Variants in ZMIZ1 observed in about 807,000 individuals in gnomAD.
ZMIZ1 encodes zinc finger MIZ domain-containing protein 1.
In ZMIZ1, 17 loss-of-function variants were observed where a neutral mutation model predicts 113.9. That is an observed-to-expected ratio of 0.15 (90% confidence interval 0.10 to 0.22). The LOEUF is 0.22. Ranked by LOEUF, ZMIZ1 falls within the 10% of genes least tolerant of loss-of-function variation. The pLI, the probability that ZMIZ1 is intolerant of heterozygous loss-of-function variation, is 1.00. For missense variants in ZMIZ1, 1,059 were observed against 1,477.8 expected, an observed-to-expected ratio of 0.72 and a Z score of 4.65; for synonymous variants, 607 against 603.1, an observed-to-expected ratio of 1.01 and a Z score of -0.09.
At chr10:79,230,761 G>A (rs547950309) in intron 7 of ZMIZ1, among the ~76,000 whole-genome samples, 1 of 152,362 alleles carries the variant, frequency 6.6e-6, no homozygotes, top group Non-Finnish European at 1.5e-5. Flanking sequence ...GTGTGGAAGC[G>A]CGAGGATGTG....
chr10:79,125,122 A>T (rs549995232), intron 2 of ZMIZ1, among the ~76,000 whole-genome samples: 1 of 152,326 alleles, frequency 6.6e-6, no homozygotes, highest in East Asian at 1.9e-4. Flanking sequence ...CCTCTGCTGG[A>T]CCAGGCGCTG....
At chr10:79,149,967 C>T (rs1020540544) in intron 3 of ZMIZ1, among the ~76,000 whole-genome samples, 1 of 152,238 alleles carries the variant, frequency 6.6e-6, no homozygotes, top group Non-Finnish European at 1.5e-5. Context: ...AGGCCAAAGG[C>T]CACTAAGCAG....
Position 79,225,781 on chromosome 10 carries a change from G to A in ZMIZ1, c.280+9507G>A, listed in dbSNP as rs116922429. On this transcript the variant is annotated intron_variant, in intron 7 of 24. Coordinates refer to ENST00000334512, the MANE Select transcript of ZMIZ1 (RefSeq NM_020338.4). ...CATATCACCTAGACCACACTTGAGG[G>A]TGCCCTAGTTAAGAAGTGCAGCTCT... Among the ~76,000 whole-genome samples the A allele has an allele frequency of 3.2e-4, 48 of 152,226 alleles. No homozygotes were observed. In the East Asian group the frequency reaches 6.6e-3, roughly 21 times the overall value.
At chr10:79,088,292 A>G (rs1162424239) in intron 1 of ZMIZ1, among the ~76,000 whole-genome samples, 1 of 152,228 alleles carries the variant, frequency 6.6e-6, no homozygotes, top group Non-Finnish European at 1.5e-5. Context: ...TGGCTCGGCA[A>G]CAGCAGCCTG....
intron 3 of ZMIZ1, among the ~76,000 whole-genome samples, chr10:79,148,764 T>C (rs981409154): frequency 1.2e-4 from 19 of 152,210 alleles, no homozygotes; most frequent in African/African-American, 3.9e-4. Flanking sequence ...TTGTAGTTCC[T>C]CCTGGGACAT....
intron 4 of ZMIZ1, among the ~76,000 whole-genome samples, chr10:79,188,624 A>AGTATCCCCCCCC (rs1847455016): frequency 1.3e-5 from 1 of 77,846 alleles, no homozygotes; most frequent in African/African-American, 4.8e-5. Flanking sequence ...CCTGTCCCCC[A>AGTATCCCCCCCC]CCCCCCTAGT....
chr10:79,174,256 C>T (rs933680230), intron 4 of ZMIZ1, among the ~76,000 whole-genome samples: 8 of 152,274 alleles, frequency 5.3e-5, no homozygotes, highest in South Asian at 2.1e-4. Context: ...GTGGGGTCAG[C>T]GTCGGGGACA....
intron 2 of ZMIZ1, among the ~76,000 whole-genome samples, chr10:79,119,540 G>A (rs547265879): frequency 2.0e-5 from 3 of 152,310 alleles, no homozygotes; most frequent in African/African-American, 7.2e-5. Context: ...GCTGAGCCTA[G>A]GGTTCAAGTC....
At chr10:79,114,438 C>T (rs1478100898) in intron 1 of ZMIZ1, among the ~76,000 whole-genome samples, 1 of 150,282 alleles carries the variant, frequency 6.7e-6, no homozygotes. Flanking sequence ...TCAGAGCCAG[C>T]CACAGCATCT....
intron 7 of ZMIZ1, among the ~76,000 whole-genome samples, chr10:79,269,679 C>G (rs1218005168): frequency 1.3e-5 from 2 of 152,178 alleles, no homozygotes; most frequent in Non-Finnish European, 2.9e-5. Context: ...CTGCACCCCA[C>G]TGCTGCTGTC....
At chr10:79,268,786 T>C (rs1851757360) in intron 7 of ZMIZ1, among the ~76,000 whole-genome samples, 1 of 152,258 alleles carries the variant, frequency 6.6e-6, no homozygotes, top group Non-Finnish European at 1.5e-5. Flanking sequence ...GTAATCAGAA[T>C]GCATGGGTGG....
intron 10 of ZMIZ1, 140 bp from the exon 11 acceptor site, chr10:79,292,018 A>G: frequency 1.2e-6 from 1 of 864,870 alleles, no homozygotes; most frequent in Non-Finnish European, 1.8e-6. Context: ...GGCACAAATG[A>G]ATGGCTGCCA....
intron 23 of ZMIZ1, among the ~76,000 whole-genome samples, 196 bp from the exon 24 acceptor site, chr10:79,310,728 C>G (rs1291927417): frequency 6.6e-6 from 1 of 152,154 alleles, no homozygotes; most frequent in Non-Finnish European, 1.5e-5. Context: ...CCCCCTGCAG[C>G]CTCCCTGATG....
At chr10:79,211,419 C>T (rs1238538974) in intron 6 of ZMIZ1, among the ~76,000 whole-genome samples, 2 of 152,104 alleles carry the variant, frequency 1.3e-5, no homozygotes, top group African/African-American at 4.8e-5. Flanking sequence ...GGCAAGACAG[C>T]TGTCCCCTCC....
At chr10:79,196,355 C>T (rs979739926) in intron 4 of ZMIZ1, among the ~76,000 whole-genome samples, 1 of 152,252 alleles carries the variant, frequency 6.6e-6, no homozygotes, top group African/African-American at 2.4e-5. Context: ...GCAGCCCTGC[C>T]TGGGAGCAAA....
At chr10:79,258,889 G>A (rs950964526) in intron 7 of ZMIZ1, among the ~76,000 whole-genome samples, 8 of 152,188 alleles carry the variant, frequency 5.3e-5, no homozygotes, top group East Asian at 1.9e-4. Context: ...ACTTTGGGGC[G>A]AACTCACTCC....
chr10:79,172,027 A>G (rs530552331), intron 4 of ZMIZ1, among the ~76,000 whole-genome samples: 1 of 152,228 alleles, frequency 6.6e-6, no homozygotes, highest in South Asian at 2.1e-4. Context: ...CATCACATAC[A>G]CTCAAGTATC....
intron 2 of ZMIZ1, among the ~76,000 whole-genome samples, chr10:79,138,130 G>T (rs543500429): frequency 4.4e-4 from 67 of 152,320 alleles, no homozygotes; most frequent in African/African-American, 1.6e-3. Flanking sequence ...AGTGGGAAAG[G>T]ACAGAGAGCA....
At chr10:79,099,582 C>T (rs921214142) in intron 1 of ZMIZ1, among the ~76,000 whole-genome samples, 4 of 152,236 alleles carry the variant, frequency 2.6e-5, no homozygotes, top group Non-Finnish European at 5.9e-5. Flanking sequence ...CTGCCCCCAT[C>T]CCCTCCCCGG....
Sources: gnomAD v4.1 joint callset for allele counts (sites outside exome capture counted in the v4.1 genomes callset) on GRCh38, gnomAD v4.1.1 for gene constraint, MANE v1.5 for transcripts, NCBI Gene and HGNC (gene_info 2026-07-23, HGNC 2026-07-21) for gene names.